Variants in CCDC7 observed in about 807,000 individuals in gnomAD.
CCDC7 encodes coiled-coil domain-containing protein 7.
CCDC7 carries 183 observed loss-of-function variants against 196.9 expected under a neutral mutation model. The ratio of observed to expected loss-of-function variants is 0.93; its 90% confidence interval spans 0.82 to 1.05. The LOEUF (loss-of-function observed/expected upper bound fraction) is 1.05. Among genes scored for constraint, CCDC7 ranks in the 50% least tolerant of loss-of-function variants. The probability of loss-of-function intolerance (pLI) is 0.00; values close to 1 mark genes in which losing one functional copy is unlikely to be tolerated. For missense variants in CCDC7, 1,540 were observed against 1,482.2 expected, an observed-to-expected ratio of 1.04 and a Z score of -0.64; for synonymous variants, 525 against 484.6, an observed-to-expected ratio of 1.08 and a Z score of -1.10.
chr10:32,584,430 G>A, intron 18 of CCDC7, 126 bp downstream of exon 19: 1 of 549,144 alleles, frequency 1.8e-6, no homozygotes, highest in Non-Finnish European at 3.1e-6. Flanking sequence ...GGAGTCACTG[G>A]ATAGCATACA....
chr10:32,847,743 A>T, intron 37 of CCDC7, 90 bp from the exon 39 acceptor site: 2 of 814,566 alleles, frequency 2.5e-6, no homozygotes, highest in Non-Finnish European at 3.9e-6. Context: ...GAAAAGAAAA[A>T]GAAATTTCAA....
intron 16 of CCDC7, among the ~76,000 whole-genome samples, chr10:32,580,986 A>G (rs549281017): frequency 6.6e-6 from 1 of 152,340 alleles, no homozygotes; most frequent in African/African-American, 2.4e-5. Flanking sequence ...TGAAGTGTCC[A>G]TGATTATATG....
chr10:32,786,246 T>C (rs977792630), intron 29 of CCDC7, among the ~76,000 whole-genome samples: 1 of 152,212 alleles, frequency 6.6e-6, no homozygotes, highest in Non-Finnish European at 1.5e-5. Context: ...AATGTCTGAC[T>C]GTAGCTTTCA....
At chr10:32,729,309 C>A in intron 27 of CCDC7, 23 bp from the exon 29 acceptor site, 1 of 1,535,526 alleles carries the variant, frequency 6.5e-7, no homozygotes, top group Non-Finnish European at 8.8e-7. Context: ...AGTTCTATTG[C>A]ACATCTATTT....
chr10:32,651,532 C>T (rs561885201), intron 20 of CCDC7, among the ~76,000 whole-genome samples: 1 of 152,128 alleles, frequency 6.6e-6, no homozygotes, highest in Non-Finnish European at 1.5e-5. Context: ...CAGTCAAAGA[C>T]AGGTTTATTT....
intron 9 of CCDC7, chr10:32,513,481 A>G (rs1476384096): frequency 1.3e-5 from 2 of 152,140 alleles, no homozygotes; most frequent in African/African-American, 2.4e-5. Context: ...ACACTTCTCA[A>G]TTCATTCTAT....
chr10:32,869,033 G>A (rs557270739), intron 41 of CCDC7, among the ~76,000 whole-genome samples: 132 of 152,152 alleles, frequency 8.7e-4, no homozygotes, highest in African/African-American at 1.9e-3. Context: ...AAACATACGC[G>A]TGCATGTGTC....
intron 21 of CCDC7, among the ~76,000 whole-genome samples, chr10:32,669,395 C>T (rs2073577013): frequency 6.6e-6 from 1 of 152,022 alleles, no homozygotes; most frequent in Non-Finnish European, 1.5e-5. Context: ...ATGCTGGCCT[C>T]CTAAAATGAG....
chr10:32,717,627 G>A (rs112826063), intron 25 of CCDC7, among the ~76,000 whole-genome samples: 26 of 151,716 alleles, frequency 1.7e-4, no homozygotes, highest in African/African-American at 6.1e-4. Flanking sequence ...GATAGACCAC[G>A]AGCCAGACTA....
At chr10:32,445,938 G>C (rs777722322), upstream of CCDC7, among the ~76,000 whole-genome samples, 3 of 152,196 alleles carry the variant, frequency 2.0e-5, no homozygotes, top group African/African-American at 2.4e-5. Context: ...TGCGCTCAGG[G>C]GGCGTCCTGG....
intron 8 of CCDC7, among the ~76,000 whole-genome samples, chr10:32,476,452 A>G (rs1268832915): frequency 1.3e-5 from 2 of 152,188 alleles, no homozygotes; most frequent in African/African-American, 2.4e-5. Flanking sequence ...CAATTTATCC[A>G]TTTACCTATG....
chr10:32,496,701 T>C (rs2042967063), intron 9 of CCDC7, among the ~76,000 whole-genome samples: 1 of 152,168 alleles, frequency 6.6e-6, no homozygotes, highest in African/African-American at 2.4e-5. Flanking sequence ...GTTTATTGAT[T>C]TGTGTATGTT....
At chr10:32,644,663 C>G (rs2139991931) in intron 20 of CCDC7, among the ~76,000 whole-genome samples, 1 of 152,280 alleles carries the variant, frequency 6.6e-6, no homozygotes, top group South Asian at 2.1e-4. Context: ...GCGATTTCCC[C>G]CATACTGCTG....
At chr10:32,574,506 C>T in intron 16 of CCDC7, 1 of 1,544,080 alleles carries the variant, frequency 6.5e-7, no homozygotes, top group Non-Finnish European at 8.7e-7. Context: ...AGTAAGGAGA[C>T]CCCACCTGAG....
At position 32,834,824 on chromosome 10, in the gene CCDC7, TA is replaced by T. The variant is rs1219924590; in HGVS notation, c.3282del (p.Lys1094AsnfsTer3). 7.0e-7 allele frequency: 1 copy of T among 1,424,176 alleles called. No individual in the cohort carries two copies. Among genetic ancestry groups the T allele is most frequent in the Non-Finnish European group, 9.8e-7 (1 of 1,015,524 alleles). 88.2% of individuals were successfully genotyped at this position (1,424,176 alleles called of 1,614,324 possible). A position where few individuals can be genotyped will look rare whatever the true frequency, so the allele number is the denominator to read the frequency against. On this transcript the variant is annotated frameshift_variant, in exon 33 of 42. Transcript: ENST00000639629. LOFTEE classifies it high-confidence loss of function. Reference sequence around the variant, plus strand: ...TGTTTTATTTTTATAGAGACTGTCTTAAAACACTTGAAAGGTGTTAATGGAA... The same window carrying T: ...TGTTTTATTTTTATAGAGACTGTCTTAAACACTTGAAAGGTGTTAATGGAA...
At chr10:32,654,035 C>G (rs1212729905) in intron 20 of CCDC7, among the ~76,000 whole-genome samples, 1 of 152,096 alleles carries the variant, frequency 6.6e-6, no homozygotes, top group Non-Finnish European at 1.5e-5. Context: ...TTATGTTTCT[C>G]TGACTAGGTA....
chr10:32,866,978 G>A (rs1199652026), intron 41 of CCDC7, among the ~76,000 whole-genome samples: 2 of 151,532 alleles, frequency 1.3e-5, no homozygotes, highest in Non-Finnish European at 3.0e-5. Flanking sequence ...TAACCTGAAA[G>A]TAACCATGAG....
chr10:32,524,244 G>T (rs1184129858), intron 11 of CCDC7, among the ~76,000 whole-genome samples: 1 of 151,986 alleles, frequency 6.6e-6, no homozygotes, highest in Non-Finnish European at 1.5e-5. Context: ...CTGATTGCAT[G>T]AACAGAATAC....
upstream of CCDC7, among the ~76,000 whole-genome samples, chr10:32,449,415 T>C (rs567192872): frequency 6.6e-6 from 1 of 152,290 alleles, no homozygotes; most frequent in Non-Finnish European, 1.5e-5. Flanking sequence ...CTCGAACTCC[T>C]GACCTTGGGA....
Sources: gnomAD v4.1 joint callset for allele counts (sites outside exome capture counted in the v4.1 genomes callset) on GRCh38, gnomAD v4.1.1 for gene constraint, MANE v1.5 for transcripts, NCBI Gene and HGNC (gene_info 2026-07-23, HGNC 2026-07-21) for gene names.